Variants in ENOX1 observed in about 807,000 individuals in gnomAD.
ENOX1 encodes candidate growth-related and time keeping constitutive hydroquinone (NADH) oxidase.
ENOX1 carries 42 observed loss-of-function variants against 82.5 expected under a neutral mutation model. The observed-to-expected ratio is 0.51, with a 90% CI of 0.40 to 0.66. The LOEUF (loss-of-function observed/expected upper bound fraction) is 0.66. Ranked by LOEUF, ENOX1 falls within the 30% of genes least tolerant of loss-of-function variation. ENOX1 has a pLI of 0.00. For missense variants in ENOX1, 608 were observed against 811.6 expected (o/e 0.75, Z 3.05); for synonymous variants, 271 against 282.2 (o/e 0.96, Z 0.40).
intron 16 of ENOX1, among the ~76,000 whole-genome samples, chr13:43,216,866 G>A (rs570606084): frequency 6.5e-4 from 99 of 152,288 alleles, no homozygotes; most frequent in African/African-American, 2.4e-3. Flanking sequence ...GGGGTCAGAA[G>A]GGGCAGTGCC....
chr13:43,720,843 A>G (rs897325251), intron 1 of ENOX1, among the ~76,000 whole-genome samples: 1 of 152,186 alleles, frequency 6.6e-6, no homozygotes, highest in Non-Finnish European at 1.5e-5. Flanking sequence ...CAAGGTAAAC[A>G]TATTACATTT....
Position 43,697,188 on chromosome 13 carries a change from T to TG in ENOX1, c.-284-29645dup, listed in dbSNP as rs142957415. Among the ~76,000 whole-genome samples, 1,355 of 152,242 alleles carry TG rather than the reference T, an allele frequency of 8.9e-3. 21 individuals carry two copies. The highest frequency in any genetic ancestry group is 0.031 in the African/African-American group (1,283 of 41,550). On this transcript the variant is annotated intron_variant, in intron 1 of 16. Coordinates refer to ENST00000690772, the MANE Select transcript of ENOX1 (RefSeq NM_001347969.2). ...AATGAGTTCAATTTTAGACATAGAT[T>TG]GGGTTTAAGCTATCAGGGGAACATA...
chr13:43,341,447 A>ATTCT (rs2049054218), intron 9 of ENOX1, among the ~76,000 whole-genome samples: 1 of 152,122 alleles, frequency 6.6e-6, no homozygotes, highest in Non-Finnish European at 1.5e-5. Context: ...CCCCAGGCAG[A>ATTCT]AGGAACAGAA....
At chr13:43,754,814 C>T (rs1594699284) in intron 1 of ENOX1, among the ~76,000 whole-genome samples, 2 of 152,204 alleles carry the variant, frequency 1.3e-5, no homozygotes, top group African/African-American at 4.8e-5. Flanking sequence ...TCAAGTGACC[C>T]TCCCACCATG....
At chr13:43,629,190 T>C (rs1394081651) in intron 2 of ENOX1, among the ~76,000 whole-genome samples, 1 of 152,222 alleles carries the variant, frequency 6.6e-6, no homozygotes, top group African/African-American at 2.4e-5. Flanking sequence ...GTCTAGCTTC[T>C]GCACTCAGGC....
At chr13:43,625,682 C>A (rs1394897823) in intron 2 of ENOX1, among the ~76,000 whole-genome samples, 1 of 151,850 alleles carries the variant, frequency 6.6e-6, no homozygotes, top group Non-Finnish European at 1.5e-5. Context: ...ATTGCATCTA[C>A]AAAATAAATA....
chr13:43,526,841 G>A (rs2078008540), intron 2 of ENOX1, among the ~76,000 whole-genome samples: 1 of 152,050 alleles, frequency 6.6e-6, no homozygotes, highest in African/African-American at 2.4e-5. Context: ...AATGTGATAG[G>A]ATTAAGAGGT....
At chr13:43,324,710 G>A (rs901605425) in intron 10 of ENOX1, among the ~76,000 whole-genome samples, 1 of 151,944 alleles carries the variant, frequency 6.6e-6, no homozygotes, top group Non-Finnish European at 1.5e-5. Context: ...TCCTTCTGGA[G>A]CATCATTTCT....
intron 1 of ENOX1, among the ~76,000 whole-genome samples, chr13:43,785,520 C>T (rs1396078700): frequency 6.6e-6 from 1 of 152,180 alleles, no homozygotes; most frequent in East Asian, 1.9e-4. Flanking sequence ...TACCACCAAA[C>T]AAATGCAATC....
At chr13:43,660,660 G>C (rs114857717) in intron 2 of ENOX1, among the ~76,000 whole-genome samples, 1 of 152,056 alleles carries the variant, frequency 6.6e-6, no homozygotes, top group East Asian at 1.9e-4. Context: ...CAATTAAAGA[G>C]GTCCTTAAAT....
intron 1 of ENOX1, among the ~76,000 whole-genome samples, chr13:43,708,016 A>G (rs1315924851): frequency 6.6e-6 from 1 of 151,890 alleles, no homozygotes; most frequent in Admixed American, 6.6e-5. Context: ...CCTCTCTAAA[A>G]TAATTGGTTG....
chr13:43,574,480 C>A (rs1020062501), intron 2 of ENOX1, among the ~76,000 whole-genome samples: 1 of 152,120 alleles, frequency 6.6e-6, no homozygotes, highest in Non-Finnish European at 1.5e-5. Flanking sequence ...ACATTAATTT[C>A]TACTAAAATT....
intron 2 of ENOX1, among the ~76,000 whole-genome samples, chr13:43,569,119 G>C (rs920460076): frequency 6.6e-6 from 1 of 152,164 alleles, no homozygotes; most frequent in African/African-American, 2.4e-5. Flanking sequence ...TAGAAATGCA[G>C]CCATCCGCTC....
chr13:43,213,896 G>T lies in ENOX1; in HGVS notation c.*94C>A. 6.8e-7 allele frequency: 1 copy of T among 1,460,874 alleles called. No homozygotes were observed. Among genetic ancestry groups the T allele is most frequent in the Non-Finnish European group, 9.2e-7 (1 of 1,083,154 alleles). 90.5% of individuals were successfully genotyped at this position (1,460,874 alleles called of 1,614,324 possible). ...GCTTCGATGGCTCCACAAAGGTTGC[G>T]TGCTGGACCAACCCCACACCTCCTG... On this transcript the variant is annotated 3_prime_UTR_variant, in exon 17 of 17. Transcript: ENST00000690772.
At chr13:43,607,846 G>A (rs1014203252) in intron 2 of ENOX1, among the ~76,000 whole-genome samples, 1 of 152,086 alleles carries the variant, frequency 6.6e-6, no homozygotes, top group African/African-American at 2.4e-5. Context: ...GTAGATATAA[G>A]GATTCTCTGA....
rs761423449 is a variant in ENOX1 at position 43,326,503 on chromosome 13, G to C, written c.1059C>G (p.Phe353Leu). 2.5e-6 allele frequency: 4 copies of C among 1,614,124 alleles called. No homozygotes were observed. The highest frequency in any genetic ancestry group is 3.4e-6 in the Non-Finnish European group (4 of 1,179,984). Residue 353 changes from phenylalanine to leucine, a missense_variant, in exon 10 of 17, where the codon TTC becomes TTG. Physicochemically the swap from Phe to Leu is conservative, Grantham distance 22. Coordinates refer to ENST00000690772, the MANE Select transcript of ENOX1 (RefSeq NM_001347969.2). Reference protein sequence around the residue: ...LTQFEQIVAVFNASTRQKAWD... With the variant: ...LTQFEQIVAVLNASTRQKAWD... ...AAGCTTTTTGTCTGGTAGAAGCGTTGAAAACGGCCACAATCTGCTCAACTT... is the reference window on the plus strand; with the variant it reads ...AAGCTTTTTGTCTGGTAGAAGCGTTCAAAACGGCCACAATCTGCTCAACTT...
intron 2 of ENOX1, among the ~76,000 whole-genome samples, chr13:43,536,402 A>G (rs916699668): frequency 6.6e-6 from 1 of 152,224 alleles, no homozygotes; most frequent in African/African-American, 2.4e-5. Context: ...CCTGTTTCAT[A>G]GAAAAGTTTA....
At chr13:43,434,935 TG>T (rs199774730) in intron 3 of ENOX1, among the ~76,000 whole-genome samples, 2,941 of 76,982 alleles carry the variant, frequency 0.038, 57 homozygotes, top group African/African-American at 0.049. Flanking sequence ...TGTGTGTGTG[TG>T]GTTTTTTTTT....
At chr13:43,567,699 T>C (rs1317659930) in intron 2 of ENOX1, among the ~76,000 whole-genome samples, 2 of 152,144 alleles carry the variant, frequency 1.3e-5, no homozygotes, top group Non-Finnish European at 2.9e-5. Flanking sequence ...GTGCTTAATC[T>C]ACATGTCTAC....
Sources: allele counts gnomAD v4.1 joint callset (sites outside exome capture counted in the v4.1 genomes callset), GRCh38; gene constraint gnomAD v4.1.1; transcripts MANE v1.5; gene names NCBI Gene and HGNC (gene_info 2026-07-23, HGNC 2026-07-21).